ADGRA3: variants seen among roughly 807,000 people sequenced by gnomAD.
ADGRA3 encodes the protein G-protein coupled receptor 125.
A neutral mutation model predicts 119.8 loss-of-function variants in ADGRA3; 56 were observed. The ratio of observed to expected loss-of-function variants is 0.47; its 90% CI spans 0.38 to 0.58. The LOEUF (loss-of-function observed/expected upper bound fraction) is 0.58, where lower values mean the gene tolerates loss of function less well. Ranked by LOEUF, ADGRA3 falls within the 20% of genes least tolerant of loss-of-function variation. The probability of loss-of-function intolerance (pLI) is 0.00; values close to 1 mark genes in which losing one functional copy is unlikely to be tolerated. For synonymous variants in ADGRA3, 607 were observed against 623.8 expected (o/e 0.97, Z 0.40); for missense variants, 1,516 against 1,649.0 (o/e 0.92, Z 1.40).
At chr4:22,408,039 A>G (rs1432820008) in intron 14 of ADGRA3, among the ~76,000 whole-genome samples, 1 of 152,034 alleles carries the variant, frequency 6.6e-6, no homozygotes, top group Non-Finnish European at 1.5e-5. Flanking sequence ...AAAAAAACAA[A>G]AATGTTAAAA....
intron 10 of ADGRA3, among the ~76,000 whole-genome samples, chr4:22,430,915 G>C (rs1343792171): frequency 6.6e-6 from 1 of 152,102 alleles, no homozygotes; most frequent in African/African-American, 2.4e-5. Context: ...GACTAAAAGG[G>C]GCCAAGGTAC....
At chr4:22,515,430 A>G in intron 1 of ADGRA3, 98 bp downstream of exon 1, 4 of 1,415,674 alleles carry the variant, frequency 2.8e-6, no homozygotes, top group Non-Finnish European at 3.8e-6. Context: ...GCTCCACACA[A>G]AGGCGCGTGG....
chr4:22,474,923 A>C (rs1717984147), intron 1 of ADGRA3, among the ~76,000 whole-genome samples: 1 of 152,182 alleles, frequency 6.6e-6, no homozygotes, highest in African/African-American at 2.4e-5. Flanking sequence ...TTGTATATAC[A>C]AATGTAAATG....
chr4:22,437,030 TA>T, intron 8 of ADGRA3, among the ~76,000 whole-genome samples: 1 of 152,314 alleles, frequency 6.6e-6, no homozygotes, highest in South Asian at 2.1e-4. Context: ...CATTGATCTA[TA>T]AACATTTAAT....
rs946954552 is a variant in ADGRA3, at chr4:22,515,509, C to T, written c.257+19G>A. ...AAGAGCCGAGCGGGAGAGGACCCAG[C>T]GTCGCGGGAGATACTCACAGGGTGA... On this transcript the variant is annotated intron_variant, in intron 1 of 18. Coordinates refer to ENST00000334304, the MANE Select transcript of ADGRA3 (RefSeq NM_145290.4). 3.8e-6 allele frequency: 6 copies of T among 1,599,762 alleles called. No homozygotes were observed. The highest frequency in any genetic ancestry group is 2.7e-5 in the African/African-American group (2 of 73,916).
At chr4:22,513,517 T>C (rs1478985798) in intron 1 of ADGRA3, among the ~76,000 whole-genome samples, 3 of 151,450 alleles carry the variant, frequency 2.0e-5, no homozygotes, top group Non-Finnish European at 4.4e-5. Flanking sequence ...ATTTTTTTTT[T>C]CTTTTTTTTT....
intron 10 of ADGRA3, among the ~76,000 whole-genome samples, chr4:22,432,546 C>T (rs532063173): frequency 5.9e-5 from 9 of 152,226 alleles, no homozygotes; most frequent in African/African-American, 2.2e-4. Context: ...AGGCGCATAT[C>T]GCACTCACAT....
At chr4:22,493,811 A>C (rs1417512416) in intron 1 of ADGRA3, among the ~76,000 whole-genome samples, 1 of 152,182 alleles carries the variant, frequency 6.6e-6, no homozygotes, top group East Asian at 1.9e-4. Context: ...AGGATAAAAA[A>C]GGTCGGCATA....
rs186892593 is a variant in ADGRA3 at position 22,515,732 on chromosome 4, G to C, written c.53C>G (p.Pro18Arg). The change falls in exon 1 of 19, where the codon CCG becomes CGG. Residue 18 changes from proline to arginine, a missense_variant. Pro to Arg is a moderately radical substitution (Grantham distance 103). Around this residue, in one of 2 missense-constraint regions of ADGRA3, gnomAD observed 428 missense variants for 541.9 expected, o/e 0.79. Transcript: ENST00000334304. The part of the protein sequence containing the change: ...RGRAQPPLLL[P>R]LSLLALLALL... ...CGCGAGCAGCGCTAACAGCGAGAGC[G>C]GCAGCAACAGCGGCGGCTGCGCGCG... 0.053 allele frequency: 55,377 copies of C among 1,046,886 alleles called. 1,623 individuals carry two copies. The highest frequency in any genetic ancestry group is 0.057 in the Non-Finnish European group (50,115 of 874,732). The allele number at this position is 1,046,886 out of a possible 1,614,324, so 64.8% of individuals were successfully genotyped here. A position where few individuals can be genotyped will look rare whatever the true frequency, so the allele number is the denominator to read the frequency against.
intron 1 of ADGRA3, among the ~76,000 whole-genome samples, chr4:22,488,662 G>T (rs1718523112): frequency 6.6e-6 from 1 of 152,224 alleles, no homozygotes; most frequent in Non-Finnish European, 1.5e-5. Context: ...AGGACATGGG[G>T]CTATCAGAGG....
intron 1 of ADGRA3, among the ~76,000 whole-genome samples, chr4:22,509,435 G>C (rs1331012611): frequency 6.6e-6 from 1 of 151,180 alleles, no homozygotes; most frequent in Non-Finnish European, 1.5e-5. Flanking sequence ...CCTGGGAGGC[G>C]GAGGCTGCAG....
intron 4 of ADGRA3, among the ~76,000 whole-genome samples, chr4:22,447,980 C>A (rs1359037787): frequency 1.2e-4 from 19 of 152,040 alleles, no homozygotes; most frequent in Admixed American, 1.1e-3. Flanking sequence ...ATGAGGGGAG[C>A]GGGATGAGTT....
At position 22,387,477 on chromosome 4, in the gene ADGRA3, C is replaced by T; in HGVS notation, c.*228G>A. ...ATTACATTTCACATCCCAAAATGTC[C>T]TGTTGGTGCTTTGACAACTAAAACA... On this transcript the variant is annotated 3_prime_UTR_variant, in exon 19 of 19. Transcript: ENST00000334304. 2.3e-6 allele frequency: 1 copy of T among 435,550 alleles called. No individual in the cohort carries two copies. Among genetic ancestry groups the T allele is most frequent in the Non-Finnish European group, 4.1e-6 (1 of 245,272 alleles). 27.0% of individuals were successfully genotyped at this position (435,550 alleles called of 1,614,324 possible).
chr4:22,456,565 C>T (rs1319404066), intron 3 of ADGRA3, among the ~76,000 whole-genome samples: 2 of 152,150 alleles, frequency 1.3e-5, no homozygotes, highest in South Asian at 2.1e-4. Flanking sequence ...TTCATGCCTT[C>T]GGCCTTGGAC....
chr4:22,454,679 G>A (rs535230289), intron 4 of ADGRA3, among the ~76,000 whole-genome samples, 187 bp downstream of exon 4: 1 of 152,266 alleles, frequency 6.6e-6, no homozygotes, highest in South Asian at 2.1e-4. Flanking sequence ...CGTGTGTGGT[G>A]TGGTAAGGTA....
At chr4:22,464,760 CCAGGGGGCTGGGGGGTCTGAGTGTG>C (rs1717595033) in intron 2 of ADGRA3, among the ~76,000 whole-genome samples, 1 of 152,126 alleles carries the variant, frequency 6.6e-6, no homozygotes, top group Admixed American at 6.6e-5. Flanking sequence ...ACAGGATATC[CCAGGGGGCTGGGGGGTCTGAGTGTG>C]CTCCTTGCTG....
intron 2 of ADGRA3, among the ~76,000 whole-genome samples, chr4:22,468,499 G>A (rs552026538): frequency 6.6e-6 from 1 of 152,228 alleles, no homozygotes; most frequent in African/African-American, 2.4e-5. Context: ...CGGTGCGGTG[G>A]TTCACACATC....
At chr4:22,398,018 T>C (rs1332770140) in intron 16 of ADGRA3, 3 of 957,558 alleles carry the variant, frequency 3.1e-6, no homozygotes, top group Non-Finnish European at 3.7e-6. Context: ...GTCAGCGACA[T>C]GAAGAAGAGG....
chr4:22,503,863 A>AT (rs1284470082), intron 1 of ADGRA3, among the ~76,000 whole-genome samples: 1 of 152,154 alleles, frequency 6.6e-6, no homozygotes, highest in African/African-American at 2.4e-5. Context: ...GGGAACCTCT[A>AT]TGTCTCCCTA....
Sources: allele counts gnomAD v4.1 joint callset (sites outside exome capture counted in the v4.1 genomes callset), GRCh38; gene constraint gnomAD v4.1.1; regional missense constraint gnomAD v4.1.1; transcripts MANE v1.5; gene names NCBI Gene and HGNC (gene_info 2026-07-23, HGNC 2026-07-21).